USP24: variants seen among roughly 807,000 people sequenced by gnomAD.
USP24 encodes the protein ubiquitin specific peptidase 24.
A neutral mutation model predicts 361.6 loss-of-function variants in USP24; 97 were observed. The ratio of observed to expected loss-of-function variants is 0.27; its 90% CI spans 0.23 to 0.32. The LOEUF is 0.32. USP24 is among the 10% of genes least tolerant of loss of function. The probability of loss-of-function intolerance (pLI) is 1.00; values close to 1 mark genes in which losing one functional copy is unlikely to be tolerated. For synonymous variants in USP24, 1,098 were observed against 1,124.6 expected (o/e 0.98, Z 0.47); for missense variants, 2,353 against 3,165.6 (o/e 0.74, Z 6.16).
At chr1:55,171,058 G>A (rs1158220529) in intron 5 of USP24, among the ~76,000 whole-genome samples, 1 of 152,146 alleles carries the variant, frequency 6.6e-6, no homozygotes, top group Admixed American at 6.6e-5. Context: ...GGACTGTTTA[G>A]ATTATCTACT....
At chr1:55,179,100 G>A (rs1398004907) in intron 1 of USP24, among the ~76,000 whole-genome samples, 2 of 152,102 alleles carry the variant, frequency 1.3e-5, no homozygotes, top group Non-Finnish European at 2.9e-5. Context: ...AATGGCTACT[G>A]TTAAGGTCAT....
intron 7 of USP24, 53 bp downstream of exon 7, chr1:55,165,832 C>T: frequency 6.8e-7 from 1 of 1,476,458 alleles, no homozygotes; most frequent in Non-Finnish European, 9.2e-7. Flanking sequence ...GGCTGTACAC[C>T]AACTCAAGTG....
At chr1:55,073,525 T>C (rs1347554877) in intron 64 of USP24, among the ~76,000 whole-genome samples, 2 of 152,198 alleles carry the variant, frequency 1.3e-5, no homozygotes, top group African/African-American at 2.4e-5. Context: ...ATGAGAAACC[T>C]TGAGTGAAAG....
intron 1 of USP24, among the ~76,000 whole-genome samples, chr1:55,212,037 A>G (rs1644858997): frequency 6.6e-6 from 1 of 152,168 alleles, no homozygotes; most frequent in Non-Finnish European, 1.5e-5. Flanking sequence ...GAGAGCCCGA[A>G]AGAGTGCAGG....
intron 52 of USP24, 49 bp downstream of exon 52, chr1:55,093,888 T>A: frequency 6.2e-7 from 1 of 1,607,896 alleles, no homozygotes; most frequent in South Asian, 1.1e-5. Flanking sequence ...AGATACATTT[T>A]GATGTCCACG....
At chr1:55,077,019 T>TCC (rs746886763) in intron 62 of USP24, among the ~76,000 whole-genome samples, 31 of 152,182 alleles carry the variant, frequency 2.0e-4, no homozygotes, top group Non-Finnish European at 1.6e-4. Context: ...CTTGTCTTGC[T>TCC]CCCTCACTCA....
chr1:55,079,217 A>G (rs1394882441), intron 60 of USP24, among the ~76,000 whole-genome samples: 2 of 152,158 alleles, frequency 1.3e-5, no homozygotes, highest in Non-Finnish European at 2.9e-5. Context: ...GTAGTATTCC[A>G]GGACCAGGAA....
Position 55,204,411 on chromosome 1 carries a change from TA to T in USP24, c.324+10378del, listed in dbSNP as rs529639266. Among the ~76,000 whole-genome samples, 13 of 152,104 alleles carry T rather than the reference TA, an allele frequency of 8.5e-5. No homozygotes were observed. In the South Asian group the frequency reaches 2.5e-3, roughly 29 times the overall value. ...GTTGAGAGAATCATCAATCTACTAA[TA>T]TTAAACATCTAACAGGCAAAAAAAT... On this transcript the variant is annotated intron_variant, in intron 1 of 67. Transcript: ENST00000294383.
chr1:55,170,016 T>C (rs1485215078), intron 5 of USP24, among the ~76,000 whole-genome samples: 5 of 152,052 alleles, frequency 3.3e-5, no homozygotes, highest in East Asian at 1.9e-4. Context: ...CATTTTAGGA[T>C]AACCACTGAA....
chr1:55,183,547 C>T (rs983960013), intron 1 of USP24, among the ~76,000 whole-genome samples: 63 of 152,046 alleles, frequency 4.1e-4, no homozygotes, highest in Admixed American at 2.0e-4. Context: ...TAAAATGATA[C>T]ACCAGAAAAT....
intron 48 of USP24, among the ~76,000 whole-genome samples, 155 bp downstream of exon 48, chr1:55,097,443 C>A (rs148019843): frequency 1.3e-5 from 2 of 151,986 alleles, no homozygotes; most frequent in Non-Finnish European, 2.9e-5. Context: ...CTGCCTATTC[C>A]GGTAACAGCA....
chr1:55,088,421 A>G (rs541587346), intron 55 of USP24, among the ~76,000 whole-genome samples: 4 of 152,334 alleles, frequency 2.6e-5, no homozygotes, highest in African/African-American at 9.6e-5. Context: ...AATTCTAGAA[A>G]GTAAAGATGC....
At chr1:55,212,834 A>C (rs1414557279) in intron 1 of USP24, among the ~76,000 whole-genome samples, 1 of 152,182 alleles carries the variant, frequency 6.6e-6, no homozygotes, top group Non-Finnish European at 1.5e-5. Context: ...AGGAGAAATG[A>C]GGACTTGATG....
intron 1 of USP24, among the ~76,000 whole-genome samples, chr1:55,188,556 C>T (rs1644196979): frequency 6.6e-6 from 1 of 151,292 alleles, no homozygotes; most frequent in Non-Finnish European, 1.5e-5. Flanking sequence ...AATGTTTCTC[C>T]AAAAAAGATA....
At chr1:55,196,306 G>A (rs1470957498) in intron 1 of USP24, among the ~76,000 whole-genome samples, 1 of 152,130 alleles carries the variant, frequency 6.6e-6, no homozygotes. Context: ...CCCCCTTGGT[G>A]ACCTCAGTGA....
intron 62 of USP24, 40 bp downstream of exon 62, chr1:55,077,195 C>T (rs376979690): frequency 9.8e-6 from 14 of 1,425,374 alleles, no homozygotes; most frequent in East Asian, 2.5e-5. Context: ...TTGACTAATA[C>T]ATTCCTAAAT....
intron 1 of USP24, among the ~76,000 whole-genome samples, chr1:55,184,339 G>A (rs939021407): frequency 1.9e-4 from 29 of 152,204 alleles, no homozygotes; most frequent in Non-Finnish European, 2.8e-4. Context: ...TTATAGGCAC[G>A]AGCCACCACA....
intron 19 of USP24, 21 bp downstream of exon 19, chr1:55,146,908 T>C: frequency 6.2e-7 from 1 of 1,610,198 alleles, no homozygotes; most frequent in East Asian, 2.2e-5. Context: ...CCTTACTTTA[T>C]CCACAATACC....
intron 23 of USP24, 95 bp from the exon 24 acceptor site, chr1:55,141,826 T>A: frequency 9.4e-7 from 1 of 1,067,772 alleles, no homozygotes; most frequent in South Asian, 1.4e-5. Context: ...CAGAGGGCTG[T>A]CCTGGGCATT....
Sources: allele counts gnomAD v4.1 joint callset (sites outside exome capture counted in the v4.1 genomes callset), GRCh38; gene constraint gnomAD v4.1.1; transcripts MANE v1.5; gene names NCBI Gene and HGNC (gene_info 2026-07-23, HGNC 2026-07-21).